Variants in CCDC171 observed in about 807,000 individuals in gnomAD.
The protein encoded by CCDC171 is coiled-coil domain containing 171, also known as coiled-coil domain-containing protein 171.
A neutral mutation model predicts 168.2 loss-of-function variants in CCDC171; 177 were observed. The observed-to-expected ratio is 1.05, with a 90% confidence interval of 0.93 to 1.19. The LOEUF is 1.19. Among genes scored for constraint, CCDC171 ranks in the 50% most tolerant of loss-of-function variants. CCDC171 has a pLI of 0.00. For missense variants in CCDC171, 1,991 were observed against 1,539.0 expected (o/e 1.29, Z -4.91); for synonymous variants, 687 against 540.8 (o/e 1.27, Z -3.75).
downstream of CCDC171, chr9:16,061,802 C>T (rs1451382350): frequency 5.3e-5 from 8 of 152,178 alleles, no homozygotes; most frequent in Admixed American, 1.3e-4. Context: ...TAGCAAGCAA[C>T]TTGTCCATGG....
chr9:15,589,729 T>G (rs775782143), intron 4 of CCDC171, among the ~76,000 whole-genome samples: 1 of 152,046 alleles, frequency 6.6e-6, no homozygotes, highest in Non-Finnish European at 1.5e-5. Flanking sequence ...ATTAAAAATA[T>G]GAAGGCAGAA....
chr9:15,921,125 A>AT (rs910821983), intron 25 of CCDC171, among the ~76,000 whole-genome samples: 3 of 151,580 alleles, frequency 2.0e-5, no homozygotes, highest in Admixed American at 6.6e-5. Flanking sequence ...TGTCTTTTTA[A>AT]TTTTTTTTGG....
At chr9:15,841,197 C>T (rs905665737) in intron 21 of CCDC171, among the ~76,000 whole-genome samples, 1 of 151,970 alleles carries the variant, frequency 6.6e-6, no homozygotes, top group Admixed American at 6.6e-5. Flanking sequence ...TTACACTCTT[C>T]TTTGTTAATT....
At chr9:15,944,212 C>T (rs572414361) in intron 25 of CCDC171, among the ~76,000 whole-genome samples, 2 of 152,016 alleles carry the variant, frequency 1.3e-5, no homozygotes, top group East Asian at 3.9e-4. Context: ...AACCAAAGAG[C>T]TGAGAGTGCT....
chr9:15,605,642 G>T (rs1038699679), intron 6 of CCDC171, among the ~76,000 whole-genome samples: 1 of 147,954 alleles, frequency 6.8e-6, no homozygotes, highest in Admixed American at 6.8e-5. Context: ...AGCCAAGGTC[G>T]CACCACTGCA....
At chr9:16,087,461 T>C in the CCDC171 span, among the ~76,000 whole-genome samples, 1 of 152,166 alleles carries the variant, frequency 6.6e-6, no homozygotes, top group Admixed American at 6.5e-5. Context: ...TCTTGTTGCA[T>C]TGATCCCTTT....
At chr9:15,590,165 G>C (rs2041876574) in intron 4 of CCDC171, among the ~76,000 whole-genome samples, 1 of 152,182 alleles carries the variant, frequency 6.6e-6, no homozygotes, top group Non-Finnish European at 1.5e-5. Context: ...CTGGATGAGA[G>C]ACCATGGAAG....
At chr9:15,635,595 C>T (rs917935934) in intron 7 of CCDC171, among the ~76,000 whole-genome samples, 11 of 152,262 alleles carry the variant, frequency 7.2e-5, no homozygotes, top group Admixed American at 2.6e-4. Context: ...CTGCCTCTCC[C>T]ACTGCACTGA....
chr9:15,850,324 CCTT>C (rs1369779205), intron 23 of CCDC171: 1 of 151,870 alleles, frequency 6.6e-6, no homozygotes, highest in Admixed American at 6.6e-5. Context: ...AAGTGTTGTA[CCTT>C]CTTCTTTTCT....
intron 7 of CCDC171, among the ~76,000 whole-genome samples, chr9:15,637,639 T>G (rs1265130843): frequency 9.4e-6 from 1 of 105,958 alleles, no homozygotes; most frequent in Non-Finnish European, 1.7e-5. Context: ...CCCACAACAG[T>G]CCCCAGAGTG....
At chr9:15,724,593 C>G (rs1021990947) in intron 13 of CCDC171, among the ~76,000 whole-genome samples, 183 bp from the exon 14 acceptor site, 18 of 152,036 alleles carry the variant, frequency 1.2e-4, no homozygotes, top group Non-Finnish European at 1.3e-4. Flanking sequence ...AATTTTTGAG[C>G]TGAGATATTA....
chr9:15,660,785 A>G (rs1373945804), intron 8 of CCDC171, among the ~76,000 whole-genome samples: 1 of 152,234 alleles, frequency 6.6e-6, no homozygotes, highest in African/African-American at 2.4e-5. Flanking sequence ...TGTGATGAAC[A>G]TAAAAGTGCA....
chr9:16,060,850 A>T (rs187045447), exon 2 of CCDC171: 282 of 152,366 alleles, frequency 1.9e-3, no homozygotes, highest in African/African-American at 6.4e-3. Flanking sequence ...AAAAGCCAAC[A>T]CAAAATGAGG....
At chr9:15,833,076 C>G (rs1049201324) in intron 21 of CCDC171, among the ~76,000 whole-genome samples, 2 of 149,006 alleles carry the variant, frequency 1.3e-5, no homozygotes, top group Non-Finnish European at 3.0e-5. Context: ...CAACCTCCAC[C>G]TCTCTGGTTC....
chr9:15,902,258 ATATG>A (rs1350616079), intron 24 of CCDC171, among the ~76,000 whole-genome samples: 101 of 143,324 alleles, frequency 7.0e-4, no homozygotes, highest in Middle Eastern at 3.8e-3. Context: ...ATATATATAT[ATATG>A]TATATATATA....
At chr9:16,041,696 G>A (rs1024111833), upstream of CCDC171, among the ~76,000 whole-genome samples, 2 of 152,130 alleles carry the variant, frequency 1.3e-5, no homozygotes, top group African/African-American at 2.4e-5. Context: ...AGGGCTTATC[G>A]AAATTTCCTT....
chr9:15,631,345 C>A (rs1432231826), intron 7 of CCDC171, among the ~76,000 whole-genome samples: 1 of 151,950 alleles, frequency 6.6e-6, no homozygotes, highest in East Asian at 1.9e-4. Flanking sequence ...GGGATATCAC[C>A]ACCGATCCCA....
chr9:15,631,980 C>G (rs1353690207), intron 7 of CCDC171, among the ~76,000 whole-genome samples: 2 of 152,134 alleles, frequency 1.3e-5, no homozygotes, highest in Non-Finnish European at 2.9e-5. Context: ...ACCCTTCATG[C>G]TAAAAACTCT....
intron 25 of CCDC171, among the ~76,000 whole-genome samples, chr9:15,920,779 C>T (rs1436838089): frequency 1.3e-5 from 2 of 151,492 alleles, no homozygotes; most frequent in African/African-American, 2.4e-5. Flanking sequence ...ATTAATTATG[C>T]GTATAACCAA....
Sources: gnomAD v4.1 joint callset for allele counts (sites outside exome capture counted in the v4.1 genomes callset) on GRCh38, gnomAD v4.1.1 for gene constraint, MANE v1.5 for transcripts, NCBI Gene and HGNC (gene_info 2026-07-23, HGNC 2026-07-21) for gene names.